Variants in LMBR1 observed in about 807,000 individuals in gnomAD.
The protein encoded by LMBR1 is limb development membrane protein 1.
Under a neutral mutation model 73.9 loss-of-function variants are expected in LMBR1, and 52 were observed. The ratio of observed to expected loss-of-function variants is 0.70; its 90% CI spans 0.56 to 0.89. The LOEUF (loss-of-function observed/expected upper bound fraction) is 0.89, where lower values mean the gene tolerates loss of function less well. Among genes scored for constraint, LMBR1 ranks in the 40% least tolerant of loss-of-function variants. LMBR1 has a pLI of 0.00. For missense variants in LMBR1, 539 were observed against 579.8 expected, an observed-to-expected ratio of 0.93 and a Z score of 0.72; for synonymous variants, 215 against 209.4, an observed-to-expected ratio of 1.03 and a Z score of -0.23.
rs566767321 is a variant in LMBR1 at position 156,810,225 on chromosome 7, G to A, written c.320-13733C>T. Among the ~76,000 whole-genome samples, 9 of 152,274 alleles carry A rather than the reference G, an allele frequency of 5.9e-5. No individual in the cohort carries two copies. The East Asian group carries it at 1.5e-3, about 26-fold the overall frequency. ...TATGCAGAGATCACAGGAGAAGACA[G>A]GAAGCAATGGAGAGGGGGTTGTGCC... On this transcript the variant is annotated intron_variant, in intron 4 of 16. Coordinates refer to ENST00000353442, the MANE Select transcript of LMBR1 (RefSeq NM_022458.4).
intron 1 of LMBR1, among the ~76,000 whole-genome samples, chr7:156,859,198 A>C (rs777998386): frequency 2.0e-4 from 30 of 151,438 alleles, no homozygotes; most frequent in Non-Finnish European, 1.9e-4. Context: ...CAGTGAGCCG[A>C]GATTGCGCCA....
intron 15 of LMBR1, among the ~76,000 whole-genome samples, chr7:156,694,066 G>A (rs1294833575): frequency 6.6e-6 from 1 of 152,176 alleles, no homozygotes; most frequent in Non-Finnish European, 1.5e-5. Context: ...TAGCTCAGTA[G>A]ATGTAGAAAA....
At chr7:156,853,292 ATT>A (rs1029589198) in intron 1 of LMBR1, among the ~76,000 whole-genome samples, 1 of 152,018 alleles carries the variant, frequency 6.6e-6, no homozygotes, top group Non-Finnish European at 1.5e-5. Flanking sequence ...GTTAATACTA[ATT>A]TCACTAATAT....
chr7:156,760,406 C>A (rs1355519887), intron 8 of LMBR1, among the ~76,000 whole-genome samples: 1 of 152,148 alleles, frequency 6.6e-6, no homozygotes, highest in African/African-American at 2.4e-5. Flanking sequence ...TTTCCATTGT[C>A]TTTTCCTCAT....
intron 10 of LMBR1, among the ~76,000 whole-genome samples, chr7:156,731,541 T>C (rs953293592): frequency 9.2e-5 from 14 of 152,290 alleles, no homozygotes; most frequent in African/African-American, 3.4e-4. Context: ...ACATGACTTT[T>C]AACAAGAAAC....
rs116037122 is a variant in LMBR1, at chr7:156,792,310, G to A, written c.423+4079C>T. Among the ~76,000 whole-genome samples, 153 of 152,174 alleles carry A rather than the reference G, an allele frequency of 1.0e-3. 1 individual carries two copies. Among genetic ancestry groups the A allele is most frequent in the African/African-American group, 3.4e-3 (143 of 41,532 alleles). ...CAAAACAAAACAAAAATCACCAAAT[G>A]GAACCTTTTTATCAGTTGAAAAATT... On this transcript the variant is annotated intron_variant, in intron 5 of 16. Transcript: ENST00000353442.
chr7:156,716,972 T>C (rs1813350091), intron 15 of LMBR1, among the ~76,000 whole-genome samples: 1 of 151,964 alleles, frequency 6.6e-6, no homozygotes. Context: ...ACCCCATCTC[T>C]ACAAAAAATT....
Position 156,728,646 on chromosome 7 carries a change from T to A in LMBR1, c.913A>T (p.Thr305Ser). The A allele has an allele frequency of 6.3e-7, 1 of 1,585,098 alleles. No individual in the cohort carries two copies. Among genetic ancestry groups the A allele is most frequent in the Non-Finnish European group, 8.5e-7 (1 of 1,170,704 alleles). Residue 305 changes from threonine to serine, a missense_variant and splice_region_variant, in exon 11 of 17, where the codon ACA (threonine) becomes TCA (serine). By Grantham distance (58) the Thr-to-Ser change is moderately conservative. Transcript: ENST00000353442. Reference protein sequence around the residue: ...PAVMVLLLIETSISVLLVACN... With the variant: ...PAVMVLLLIESSISVLLVACN... Reference sequence around the variant, plus strand: ...TAACTAGGCAAATAAATTCTTACTGTCTCAATAAGAAGGAGAACCATAACA... The same window carrying A: ...TAACTAGGCAAATAAATTCTTACTGACTCAATAAGAAGGAGAACCATAACA...
At chr7:156,775,100 G>C (rs1291725566) in intron 5 of LMBR1, among the ~76,000 whole-genome samples, 3 of 152,154 alleles carry the variant, frequency 2.0e-5, no homozygotes, top group Non-Finnish European at 4.4e-5. Flanking sequence ...AAGCACGGTG[G>C]CTCACGCCTG....
intron 15 of LMBR1, among the ~76,000 whole-genome samples, chr7:156,698,291 T>C (rs1400832253): frequency 6.6e-6 from 1 of 152,194 alleles, no homozygotes; most frequent in African/African-American, 2.4e-5. Context: ...AGGCACACAG[T>C]GCAAGCTGTC....
rs547918683 is a variant in LMBR1, at chr7:156,868,890, G to A, written c.66+24038C>T. On this transcript the variant is annotated intron_variant, in intron 1 of 16. Coordinates refer to ENST00000353442, the MANE Select transcript of LMBR1 (RefSeq NM_022458.4). Reference sequence around the variant, plus strand: ...CGAGGTGGGAAGATCACCTGAGCCCGGTAGGTCAAGGCTGCAGTGAGCCAT... The same window carrying A: ...CGAGGTGGGAAGATCACCTGAGCCCAGTAGGTCAAGGCTGCAGTGAGCCAT... 5.3e-5 allele frequency among the ~76,000 whole-genome samples: 8 copies of A among 152,116 alleles called. No homozygotes were observed. In the South Asian group the frequency reaches 8.3e-4, roughly 16 times the overall value.
rs1370080977 is a variant in LMBR1, at chr7:156,826,815, T to C, written c.180-71A>G. 3.6e-6 allele frequency: 5 copies of C among 1,380,986 alleles called. No homozygotes were observed. In the African/African-American group the frequency reaches 5.7e-5, roughly 16 times the overall value. 85.5% of individuals were successfully genotyped at this position (1,380,986 alleles called of 1,614,324 possible). On this transcript the variant is annotated intron_variant, in intron 3 of 16. Coordinates refer to ENST00000353442, the MANE Select transcript of LMBR1 (RefSeq NM_022458.4). Reference sequence around the variant, plus strand: ...TGAACACGAAAGTCATCAAAAAGAATGCAAACTCTTTAATGTTTTAATCAA... The same window carrying C: ...TGAACACGAAAGTCATCAAAAAGAACGCAAACTCTTTAATGTTTTAATCAA...
intron 5 of LMBR1, among the ~76,000 whole-genome samples, chr7:156,772,704 T>C (rs1825420629): frequency 6.6e-6 from 1 of 151,824 alleles, no homozygotes. Context: ...AAAAATTAGC[T>C]GGGCGTGGTG....
chr7:156,861,754 A>G (rs1010090674), intron 1 of LMBR1, among the ~76,000 whole-genome samples: 1 of 152,152 alleles, frequency 6.6e-6, no homozygotes, highest in Non-Finnish European at 1.5e-5. Flanking sequence ...AGTTCAACAA[A>G]TCTTTAGGGT....
intron 10 of LMBR1, among the ~76,000 whole-genome samples, chr7:156,729,661 G>A (rs1816469105): frequency 1.3e-5 from 2 of 151,968 alleles, no homozygotes; most frequent in African/African-American, 4.8e-5. Context: ...TTTTAGTAGA[G>A]ACAGGGTTTC....
At chr7:156,751,695 T>G (rs1352493682) in intron 9 of LMBR1, among the ~76,000 whole-genome samples, 1 of 152,164 alleles carries the variant, frequency 6.6e-6, no homozygotes, top group Non-Finnish European at 1.5e-5. Flanking sequence ...CCAACAGCTT[T>G]GCAGAAGGAA....
rs1223928711 is a variant in LMBR1, at chr7:156,682,921, T to G, written c.*1157A>C. ...CACAGATTTCGGTATTCTATCCTAG[T>G]GGATGGTTGACACAGAGTGCAATTT... On this transcript the variant is annotated 3_prime_UTR_variant, in exon 17 of 17. Transcript: ENST00000353442. 3.3e-5 allele frequency: 5 copies of G among 152,246 alleles called. No homozygotes were observed. Among genetic ancestry groups the G allele is most frequent in the Non-Finnish European group, 5.9e-5 (4 of 68,042 alleles). The allele number at this position is 152,246 out of a possible 1,614,324, so 9.4% of individuals were successfully genotyped here. A position where few individuals can be genotyped will look rare whatever the true frequency, so the allele number is the denominator to read the frequency against.
At chr7:156,864,182 T>A (rs1254564725) in intron 1 of LMBR1, among the ~76,000 whole-genome samples, 1 of 151,938 alleles carries the variant, frequency 6.6e-6, no homozygotes, top group African/African-American at 2.4e-5. Flanking sequence ...AAAATAAAAA[T>A]AGCTAGTGAA....
chr7:156,718,952 A>G (rs1001154548), intron 15 of LMBR1, among the ~76,000 whole-genome samples: 13 of 151,424 alleles, frequency 8.6e-5, no homozygotes, highest in African/African-American at 3.2e-4. Context: ...GAAAACAGGG[A>G]AAAACTTCTC....
Sources: gnomAD v4.1 joint callset for allele counts (sites outside exome capture counted in the v4.1 genomes callset) on GRCh38, gnomAD v4.1.1 for gene constraint, MANE v1.5 for transcripts, NCBI Gene and HGNC (gene_info 2026-07-23, HGNC 2026-07-21) for gene names.